The following GLI2 variants were observed in gnomAD, a reference collection of about 807,000 sequenced individuals.
The protein encoded by GLI2 is transcription activator GLI2.
Under a neutral mutation model 78.9 loss-of-function variants are expected in GLI2, and 22 were observed. That is an observed-to-expected ratio of 0.28 (90% CI 0.20 to 0.40). GLI2 has a LOEUF of 0.40. Among genes scored for constraint, GLI2 ranks in the 10% least tolerant of loss-of-function variants. The pLI is 1.00. For missense variants in GLI2, 2,097 were observed against 2,213.2 expected (o/e 0.95, Z 1.05); for synonymous variants, 974 against 963.7 (o/e 1.01, Z -0.20).
intron 2 of GLI2, among the ~76,000 whole-genome samples, chr2:120,908,568 C>T (rs1678658075): frequency 6.6e-6 from 1 of 152,118 alleles, no homozygotes. Flanking sequence ...CTGCAGCCAT[C>T]TGTGATGTGG....
intron 1 of GLI2, among the ~76,000 whole-genome samples, chr2:120,736,905 C>T (rs1682378854): frequency 6.7e-6 from 1 of 149,886 alleles, no homozygotes; most frequent in African/African-American, 2.5e-5. Flanking sequence ...TTCTCCTCCT[C>T]TCCTGCCCTC....
At chr2:120,860,758 C>G (rs915210653) in intron 2 of GLI2, among the ~76,000 whole-genome samples, 1 of 152,122 alleles carries the variant, frequency 6.6e-6, no homozygotes, top group Non-Finnish European at 1.5e-5. Context: ...AACAGGGAGC[C>G]GTCTGGGACT....
chr2:120,978,946 A>G (rs910737525), intron 10 of GLI2, among the ~76,000 whole-genome samples: 3 of 152,206 alleles, frequency 2.0e-5, no homozygotes, highest in Admixed American at 2.0e-4. Context: ...AGAAAAAAAC[A>G]TCATTGGTGA....
chr2:120,808,876 C>G (rs543937619), intron 2 of GLI2, among the ~76,000 whole-genome samples: 18 of 152,258 alleles, frequency 1.2e-4, no homozygotes, highest in South Asian at 4.1e-4. Context: ...CACCTGAGGC[C>G]GTTTGTGTCT....
intron 2 of GLI2, among the ~76,000 whole-genome samples, chr2:120,865,495 G>T (rs1688085159): frequency 1.3e-5 from 2 of 152,188 alleles, no homozygotes; most frequent in African/African-American, 2.4e-5. Flanking sequence ...GAAAAGTTTG[G>T]TTCCCTTCCC....
intron 8 of GLI2, 141 bp from the exon 9 acceptor site, chr2:120,974,834 C>T: frequency 9.0e-7 from 1 of 1,113,440 alleles, no homozygotes; most frequent in Non-Finnish European, 1.4e-6. Context: ...TGTGCACACA[C>T]ACCTGTAACA....
At chr2:120,923,706 GTAC>G (rs1410263256) in intron 2 of GLI2, among the ~76,000 whole-genome samples, 12 of 151,834 alleles carry the variant, frequency 7.9e-5, no homozygotes, top group Admixed American at 3.9e-4. Flanking sequence ...AGACACACAC[GTAC>G]TACAACAGAG....
chr2:120,857,811 C>T (rs911854009), intron 2 of GLI2, among the ~76,000 whole-genome samples: 8 of 139,782 alleles, frequency 5.7e-5, no homozygotes, highest in East Asian at 5.0e-4. Flanking sequence ...TCTTTTTGCA[C>T]GCACAGCCTG....
chr2:120,877,839 C>T (rs540171088), intron 2 of GLI2, among the ~76,000 whole-genome samples: 9 of 152,044 alleles, frequency 5.9e-5, no homozygotes, highest in South Asian at 2.1e-4. Flanking sequence ...CATCCTTGTA[C>T]GGTCTCGATG....
At chr2:120,973,905 A>C (rs184060499) in intron 8 of GLI2, among the ~76,000 whole-genome samples, 3 of 152,276 alleles carry the variant, frequency 2.0e-5, no homozygotes, top group Admixed American at 2.0e-4. Context: ...ATTCCCAGAA[A>C]GGGACTCAGC....
intron 3 of GLI2, among the ~76,000 whole-genome samples, chr2:120,945,812 A>G (rs975376492): frequency 3.9e-5 from 6 of 152,084 alleles, no homozygotes; most frequent in Non-Finnish European, 8.8e-5. Flanking sequence ...TGAACCGATC[A>G]CAGTACTAGC....
In GLI2 at chr2:120,736,271, CT is replaced by C. The variant is rs1441785984; in HGVS notation, c.-41del. On this transcript the variant is annotated 5_prime_UTR_variant, in exon 1 of 14. Transcript: ENST00000361492. Reference sequence around the variant, plus strand: ...AGGCCACCTGCGTGCTAGAGGCAAACTTTTGTCTCTCTCGGTAAAGTTGCAT... The same window carrying C: ...AGGCCACCTGCGTGCTAGAGGCAAACTTTGTCTCTCTCGGTAAAGTTGCAT... 1 of 152,090 alleles carries C rather than the reference CT, an allele frequency of 6.6e-6. No homozygotes were observed. Among genetic ancestry groups the C allele is most frequent in the Non-Finnish European group, 1.5e-5 (1 of 68,028 alleles). The allele number at this position is 152,090 out of a possible 1,614,324, so 9.4% of individuals were successfully genotyped here. A position where few individuals can be genotyped will look rare whatever the true frequency, so the allele number is the denominator to read the frequency against.
intron 5 of GLI2, among the ~76,000 whole-genome samples, chr2:120,964,428 C>T (rs1395981463): frequency 6.6e-6 from 1 of 152,222 alleles, no homozygotes; most frequent in Non-Finnish European, 1.5e-5. Context: ...TCTGTCTTTG[C>T]AGTGAGCACT....
intron 2 of GLI2, among the ~76,000 whole-genome samples, chr2:120,903,908 A>C (rs555096243): frequency 6.6e-6 from 1 of 152,282 alleles, no homozygotes; most frequent in East Asian, 1.9e-4. Context: ...TGGTGACTTC[A>C]CATGGGCCAA....
At chr2:120,780,834 C>T (rs950487548) in intron 1 of GLI2, among the ~76,000 whole-genome samples, 3 of 152,204 alleles carry the variant, frequency 2.0e-5, no homozygotes, top group African/African-American at 4.8e-5. Flanking sequence ...TGTGAAGGCT[C>T]TTTGGAGGCT....
rs922060710 is a variant in GLI2 at position 120,955,280 on chromosome 2, G to T, written c.493G>T (p.Gly165Cys). 2 of 1,605,576 alleles carry T rather than the reference G, an allele frequency of 1.2e-6. No homozygotes were observed. Among genetic ancestry groups the T allele is most frequent in the Non-Finnish European group, 1.7e-6 (2 of 1,175,920 alleles). ...GCACCTTAAGGAGAGGGGACTGTTT[G>T]GCCTTCCTGCTCCAGGCACCACCCC... is the stretch of plus-strand genomic sequence containing the variant. ...QEHLKERGLF[G>C]LPAPGTTPSD... The change falls in exon 5 of 14, where the codon GGC (glycine) becomes TGC (cysteine). Residue 165 changes from glycine to cysteine, a missense_variant. By Grantham distance (159) the Gly-to-Cys change is radical. Around this residue, in one of 5 missense-constraint regions of GLI2, gnomAD observed 578 missense variants for 612.0 expected, o/e 0.94. Transcript: ENST00000361492.
intron 2 of GLI2, among the ~76,000 whole-genome samples, chr2:120,845,021 C>T (rs1392688298): frequency 6.6e-6 from 1 of 152,050 alleles, no homozygotes; most frequent in Non-Finnish European, 1.5e-5. Context: ...ATCTATAATC[C>T]CAGCACTTTC....
At chr2:120,822,206 C>T (rs1369472602) in intron 2 of GLI2, among the ~76,000 whole-genome samples, 2 of 152,214 alleles carry the variant, frequency 1.3e-5, no homozygotes, top group South Asian at 2.1e-4. Context: ...CTGTTATCAG[C>T]GAAGCACTGA....
At chr2:120,766,971 C>A (rs1683382732) in intron 1 of GLI2, among the ~76,000 whole-genome samples, 1 of 152,162 alleles carries the variant, frequency 6.6e-6, no homozygotes. Context: ...AACCGACAGG[C>A]CACACCTGTA....
Sources: allele counts gnomAD v4.1 joint callset (sites outside exome capture counted in the v4.1 genomes callset), GRCh38; gene constraint gnomAD v4.1.1; regional missense constraint gnomAD v4.1.1; transcripts MANE v1.5; gene names NCBI Gene and HGNC (gene_info 2026-07-23, HGNC 2026-07-21).